Variants in GFRA2 observed in about 807,000 individuals in gnomAD.
The protein encoded by GFRA2 is GDNF family receptor alpha-2.
In GFRA2, 17 loss-of-function variants were observed where a neutral mutation model predicts 48.3. That is an observed-to-expected ratio of 0.35 (90% CI 0.24 to 0.53). The LOEUF (loss-of-function observed/expected upper bound fraction) is 0.53, where lower values mean the gene tolerates loss of function less well. GFRA2 is among the 20% of genes least tolerant of loss of function. GFRA2 has a pLI of 0.93. For synonymous variants in GFRA2, 305 were observed against 257.2 expected (o/e 1.19, Z -1.78); for missense variants, 660 against 637.3 (o/e 1.04, Z -0.38).
intron 4 of GFRA2, among the ~76,000 whole-genome samples, chr8:21,736,113 C>G (rs904688763): frequency 1.3e-5 from 2 of 152,260 alleles, no homozygotes; most frequent in East Asian, 1.9e-4. Context: ...TGCGCATACC[C>G]TTCCCCTGGA....
At chr8:21,727,712 C>G (rs1803947509) in intron 4 of GFRA2, among the ~76,000 whole-genome samples, 1 of 152,152 alleles carries the variant, frequency 6.6e-6, no homozygotes, top group Non-Finnish European at 1.5e-5. Flanking sequence ...GCAGCCTCCC[C>G]GCTGGGCCTC....
intron 1 of GFRA2, among the ~76,000 whole-genome samples, chr8:21,810,217 G>A (rs1422345456): frequency 1.3e-5 from 2 of 152,144 alleles, no homozygotes; most frequent in Non-Finnish European, 2.9e-5. Context: ...GAACACAGGA[G>A]CCCCAAATCC....
chr8:21,703,296 G>A (rs1563215936), intron 6 of GFRA2, among the ~76,000 whole-genome samples: 1 of 152,036 alleles, frequency 6.6e-6, no homozygotes, highest in African/African-American at 2.4e-5. Flanking sequence ...AGGGGAGGAG[G>A]GGGCCACCTC....
At chr8:21,728,821 G>A (rs529597943) in intron 4 of GFRA2, among the ~76,000 whole-genome samples, 34 of 152,346 alleles carry the variant, frequency 2.2e-4, no homozygotes, top group African/African-American at 7.7e-4. Context: ...TAAAGGGTAC[G>A]TATGCACGGT....
intron 3 of GFRA2, among the ~76,000 whole-genome samples, chr8:21,752,015 T>A (rs778896988): frequency 2.2e-4 from 33 of 152,154 alleles, no homozygotes; most frequent in Non-Finnish European, 3.5e-4. Context: ...CTGGGACAAA[T>A]GGCTGAACCT....
chr8:21,791,551 G>A (rs1807574374), upstream of GFRA2, among the ~76,000 whole-genome samples: 1 of 152,118 alleles, frequency 6.6e-6, no homozygotes, highest in Non-Finnish European at 1.5e-5. Flanking sequence ...AAGACCCCCT[G>A]CCTTGTGCCG....
intron 3 of GFRA2, among the ~76,000 whole-genome samples, chr8:21,758,465 C>G (rs1380167418): frequency 6.6e-6 from 1 of 152,124 alleles, no homozygotes; most frequent in Non-Finnish European, 1.5e-5. Context: ...ACCCTTCCTG[C>G]CTCCCAGGAA....
At chr8:21,735,680 G>C (rs557565958) in intron 4 of GFRA2, among the ~76,000 whole-genome samples, 32 of 152,114 alleles carry the variant, frequency 2.1e-4, no homozygotes, top group Admixed American at 1.9e-3. Flanking sequence ...CATTTTTCTT[G>C]AGACAGGGTC....
At chr8:21,767,590 A>C (rs1418890070) in intron 3 of GFRA2, among the ~76,000 whole-genome samples, 1 of 152,218 alleles carries the variant, frequency 6.6e-6, no homozygotes, top group Non-Finnish European at 1.5e-5. Context: ...GCGCCATCTC[A>C]AGAGCAGCAC....
intron 3 of GFRA2, among the ~76,000 whole-genome samples, chr8:21,753,853 C>T (rs1388987773): frequency 1.3e-5 from 2 of 152,176 alleles, no homozygotes; most frequent in Non-Finnish European, 2.9e-5. Flanking sequence ...ACCTCCTATT[C>T]CTTTCTCCAG....
intron 5 of GFRA2, among the ~76,000 whole-genome samples, chr8:21,705,654 G>C (rs1802701368): frequency 6.6e-6 from 1 of 152,228 alleles, no homozygotes; most frequent in Non-Finnish European, 1.5e-5. Context: ...AGCCTGGAAT[G>C]TCAGAACCAT....
chr8:21,785,347 C>T (rs1807220039), intron 1 of GFRA2, among the ~76,000 whole-genome samples: 2 of 152,194 alleles, frequency 1.3e-5, no homozygotes, highest in African/African-American at 4.8e-5. Flanking sequence ...AGGGCCGGGG[C>T]ATCCATTCAC....
Position 21,750,993 on chromosome 8 carries a change from A to T in GFRA2, c.440-51T>A. 2 of 1,214,726 alleles carry T rather than the reference A, an allele frequency of 1.6e-6. No individual in the cohort carries two copies. Among genetic ancestry groups the T allele is most frequent in the Non-Finnish European group, 2.4e-6 (2 of 844,540 alleles). 75.2% of individuals were successfully genotyped at this position (1,214,726 alleles called of 1,614,324 possible). ...CAGAGGCCACACAAGCATGAGGAGGACACAGCTGCCCCCTCACTGGAAGAT... is the reference window on the plus strand; with the variant it reads ...CAGAGGCCACACAAGCATGAGGAGGTCACAGCTGCCCCCTCACTGGAAGAT... On this transcript the variant is annotated intron_variant, in intron 3 of 8. Coordinates refer to ENST00000524240, the MANE Select transcript of GFRA2 (RefSeq NM_001495.5). This position sits in a 1 kb window ranked among gnomAD's most constrained non-coding sequence, Gnocchi z 5.7.
In GFRA2 at chr8:21,808,684, G is replaced by C. The variant is rs561064222; in HGVS notation, c.-148+3547C>G. Among the ~76,000 whole-genome samples, 90 of 152,332 alleles carry C rather than the reference G, an allele frequency of 5.9e-4. 1 individual carries two copies. The highest frequency in any genetic ancestry group is 5.2e-3 in the South Asian group (25 of 4,828). ...CTATCCAGAGGAGCTGAAGTCTCAGGACTGACCACCACCCAGCCACCCAAA... is the reference window on the plus strand; with the variant it reads ...CTATCCAGAGGAGCTGAAGTCTCAGCACTGACCACCACCCAGCCACCCAAA... On this transcript the variant is annotated intron_variant, in intron 1 of 10. Transcript: ENST00000517328.
At chr8:21,727,579 C>T (rs1285284544) in intron 4 of GFRA2, among the ~76,000 whole-genome samples, 1 of 152,202 alleles carries the variant, frequency 6.6e-6, no homozygotes, top group Admixed American at 6.5e-5. Flanking sequence ...AGGCATGGTT[C>T]GGGTTCCTAG....
chr8:21,803,478 C>A (rs1247683468), intron 2 of GFRA2, among the ~76,000 whole-genome samples: 1 of 152,104 alleles, frequency 6.6e-6, no homozygotes, highest in East Asian at 1.9e-4. Context: ...TGAGTCTGGT[C>A]CCCTCAGAGC....
chr8:21,769,959 C>T (rs1806367945), intron 3 of GFRA2, among the ~76,000 whole-genome samples: 3 of 152,192 alleles, frequency 2.0e-5, no homozygotes, highest in Admixed American at 6.5e-5. Context: ...AGATGGCCCA[C>T]CCCAGATGCA....
chr8:21,721,154 T>C (rs969906231), intron 4 of GFRA2, among the ~76,000 whole-genome samples: 1 of 152,270 alleles, frequency 6.6e-6, no homozygotes, highest in East Asian at 1.9e-4. Flanking sequence ...AGTAAAATTA[T>C]AGGCAGATCT....
chr8:21,700,385 A>G (rs1463614944), intron 7 of GFRA2, among the ~76,000 whole-genome samples: 4 of 152,176 alleles, frequency 2.6e-5, no homozygotes, highest in Non-Finnish European at 5.9e-5. Flanking sequence ...TGAGAGTAGG[A>G]CCTAAGACAT....
Sources: allele counts gnomAD v4.1 joint callset (sites outside exome capture counted in the v4.1 genomes callset), GRCh38; gene constraint gnomAD v4.1.1; non-coding constraint Gnocchi (gnomAD v3.1); transcripts MANE v1.5; gene names NCBI Gene and HGNC (gene_info 2026-07-23, HGNC 2026-07-21).